ATAD2B: variants seen among roughly 807,000 people sequenced by gnomAD.
ATAD2B encodes ATPase family AAA domain containing 2B.
Under a neutral mutation model 167.6 loss-of-function variants are expected in ATAD2B, and 40 were observed. The ratio of observed to expected loss-of-function variants is 0.24; its 90% CI spans 0.19 to 0.31. ATAD2B has a LOEUF of 0.31. ATAD2B is among the 10% of genes least tolerant of loss of function. The pLI, the probability that ATAD2B is intolerant of heterozygous loss-of-function variation, is 1.00. For missense variants in ATAD2B, 1,242 were observed against 1,757.2 expected (o/e 0.71, Z 5.24); for synonymous variants, 579 against 596.5 (o/e 0.97, Z 0.43).
chr2:23,857,349 G>A (rs1693585468), intron 13 of ATAD2B, 66 bp downstream of exon 13: 1 of 865,822 alleles, frequency 1.2e-6, no homozygotes, highest in Non-Finnish European at 1.7e-6. Flanking sequence ...TTAGCTAAGG[G>A]CTAAGGCTAA....
chr2:23,754,090 G>GATGT, intron 27 of ATAD2B, 89 bp downstream of exon 27: 4 of 1,086,628 alleles, frequency 3.7e-6, no homozygotes, highest in Non-Finnish European at 5.0e-6. Context: ...AAAAGACATA[G>GATGT]ATGTAGGCAA....
At chr2:23,862,464 A>G (rs1694546289) in intron 12 of ATAD2B, among the ~76,000 whole-genome samples, 1 of 128,588 alleles carries the variant, frequency 7.8e-6, no homozygotes, top group Non-Finnish European at 1.5e-5. Flanking sequence ...AGACTGTAGT[A>G]CAGTGGTGTC....
chr2:23,910,729 G>A (rs1357483793), intron 1 of ATAD2B, among the ~76,000 whole-genome samples: 3 of 151,710 alleles, frequency 2.0e-5, no homozygotes, highest in Non-Finnish European at 4.4e-5. Flanking sequence ...TTAGCTGGGC[G>A]TGGGGGAGCA....
In ATAD2B at chr2:23,769,713, T is replaced by A. The variant is rs1385770496; in HGVS notation, c.3134-4085A>T. Among the ~76,000 whole-genome samples the A allele has an allele frequency of 4.9e-3, 411 of 83,474 alleles. 17 individuals carry two copies. In the East Asian group the frequency reaches 0.05, roughly 10 times the overall value. 54.8% of individuals were successfully genotyped at this position (83,474 alleles called of 152,430 possible). A position where few individuals can be genotyped will look rare whatever the true frequency, so the allele number is the denominator to read the frequency against. On this transcript the variant is annotated intron_variant, in intron 22 of 27. Transcript: ENST00000238789. ...GTGTTTAATGGTGTCTCACTGTGGGTTTTTTTTTTTTTTTTTTTTTGAGAC... is the reference window on the plus strand; with the variant it reads ...GTGTTTAATGGTGTCTCACTGTGGGATTTTTTTTTTTTTTTTTTTTGAGAC...
At chr2:23,883,276 T>C (rs1441103288) in intron 6 of ATAD2B, among the ~76,000 whole-genome samples, 1 of 89,742 alleles carries the variant, frequency 1.1e-5, no homozygotes, top group African/African-American at 4.1e-5. Context: ...TGAAAAACTG[T>C]CTCAAAAAAA....
chr2:23,857,660 A>G (rs1693631687), intron 12 of ATAD2B, among the ~76,000 whole-genome samples, 157 bp from the exon 13 acceptor site: 1 of 152,156 alleles, frequency 6.6e-6, no homozygotes, highest in Admixed American at 6.6e-5. Flanking sequence ...GTTTCCAACA[A>G]CCATGTCTCC....
intron 1 of ATAD2B, among the ~76,000 whole-genome samples, chr2:23,911,713 G>A (rs370593972): frequency 6.6e-6 from 1 of 151,964 alleles, no homozygotes; most frequent in Admixed American, 6.6e-5. Context: ...AGTGACTCAT[G>A]CTTATAATCC....
chr2:23,835,420 A>C (rs1474645545), intron 13 of ATAD2B, among the ~76,000 whole-genome samples: 1 of 152,240 alleles, frequency 6.6e-6, no homozygotes, highest in Non-Finnish European at 1.5e-5. Context: ...AAGGCCACAT[A>C]TTATATGATT....
intron 14 of ATAD2B, among the ~76,000 whole-genome samples, chr2:23,833,058 C>T (rs1302883328): frequency 4.6e-5 from 7 of 152,172 alleles, no homozygotes; most frequent in Admixed American, 4.6e-4. Flanking sequence ...CAATTTAAAG[C>T]CTGTAAATTG....
intron 18 of ATAD2B, among the ~76,000 whole-genome samples, chr2:23,800,482 C>G (rs1683307326): frequency 6.6e-6 from 1 of 152,164 alleles, no homozygotes; most frequent in South Asian, 2.1e-4. Context: ...AACAATTTGA[C>G]AGAGTCAGAA....
chr2:23,719,131 T>G, the ATAD2B span, among the ~76,000 whole-genome samples: 1 of 152,122 alleles, frequency 6.6e-6, no homozygotes, highest in Non-Finnish European at 1.5e-5. Context: ...GAAACTAAAC[T>G]GACAATGGAA....
intron 22 of ATAD2B, 37 bp downstream of exon 22, chr2:23,782,832 T>G: frequency 6.5e-7 from 1 of 1,544,730 alleles, no homozygotes; most frequent in Non-Finnish European, 8.8e-7. Flanking sequence ...GTCTTCTGAT[T>G]GATTATCAAG....
chr2:23,755,971 T>A (rs1675906135), intron 25 of ATAD2B, among the ~76,000 whole-genome samples: 1 of 152,134 alleles, frequency 6.6e-6, no homozygotes, highest in Non-Finnish European at 1.5e-5. Flanking sequence ...AATGAAAGCT[T>A]CAGGTCAAAC....
the ATAD2B span, among the ~76,000 whole-genome samples, chr2:23,727,984 G>C: frequency 4.6e-5 from 7 of 152,118 alleles, no homozygotes; most frequent in African/African-American, 1.7e-4. Context: ...AATAATGGAT[G>C]CATGGTATTA....
intron 8 of ATAD2B, chr2:23,872,853 C>G: frequency 1.0e-6 from 1 of 952,962 alleles, no homozygotes; most frequent in South Asian, 1.3e-5. Context: ...AAGCAGATGT[C>G]AAACTCATAG....
intron 12 of ATAD2B, among the ~76,000 whole-genome samples, chr2:23,857,810 C>G (rs1004688004): frequency 7.0e-6 from 1 of 143,554 alleles, no homozygotes; most frequent in African/African-American, 2.6e-5. Flanking sequence ...GGCACGATCT[C>G]GGCTCACTAC....
the ATAD2B span, among the ~76,000 whole-genome samples, chr2:23,733,174 T>C: frequency 6.6e-6 from 1 of 152,186 alleles, no homozygotes; most frequent in Non-Finnish European, 1.5e-5. Flanking sequence ...TCCTAAACCC[T>C]GTGTCCCTGT....
intron 1 of ATAD2B, among the ~76,000 whole-genome samples, chr2:23,908,514 T>C (rs573760434): frequency 6.7e-4 from 102 of 152,140 alleles, no homozygotes; most frequent in East Asian, 6.0e-3. Flanking sequence ...TGTGGAGAAA[T>C]AGGAACACTT....
chr2:23,689,377 T>G, the ATAD2B span: 1 of 152,546 alleles, frequency 6.6e-6, no homozygotes, highest in Non-Finnish European at 1.5e-5. Context: ...TGGCTCAGAC[T>G]GTGGGCAAGA....
Sources: allele counts gnomAD v4.1 joint callset (sites outside exome capture counted in the v4.1 genomes callset), GRCh38; gene constraint gnomAD v4.1.1; transcripts MANE v1.5; gene names NCBI Gene and HGNC (gene_info 2026-07-23, HGNC 2026-07-21).